APBA1: variants seen among roughly 807,000 people sequenced by gnomAD.
APBA1 encodes amyloid-beta A4 precursor protein-binding family A member 1.
Under a neutral mutation model 86.6 loss-of-function variants are expected in APBA1, and 55 were observed. The ratio of observed to expected loss-of-function variants is 0.64; its 90% CI spans 0.51 to 0.80. The LOEUF (loss-of-function observed/expected upper bound fraction) is 0.80. Ranked by LOEUF, APBA1 falls within the 30% of genes least tolerant of loss-of-function variation. The pLI is 0.00. For missense variants in APBA1, 1,090 were observed against 1,183.0 expected (o/e 0.92, Z 1.15); for synonymous variants, 511 against 493.9 (o/e 1.03, Z -0.46).
chr9:69,430,024 A>G lies in APBA1; in HGVS notation c.*1303T>C, dbSNP rs1834561200. The G allele has an allele frequency of 6.6e-6, 1 of 152,176 alleles. No individual in the cohort carries two copies. The highest frequency in any genetic ancestry group is 1.5e-5 in the Non-Finnish European group (1 of 68,044). 9.4% of individuals were successfully genotyped at this position (152,176 alleles called of 1,614,324 possible). A position where few individuals can be genotyped will look rare whatever the true frequency, so the allele number is the denominator to read the frequency against. ...AGGCACCTGATGAAAACACGGAACA[A>G]TTCCACACCAGCCAAAAATGCTCTC... On this transcript the variant is annotated 3_prime_UTR_variant, in exon 13 of 13. Transcript: ENST00000265381.
chr9:69,585,580 C>T (rs1443667362), intron 1 of APBA1, among the ~76,000 whole-genome samples: 1 of 152,142 alleles, frequency 6.6e-6, no homozygotes, highest in African/African-American at 2.4e-5. Flanking sequence ...TAGGCTCAGG[C>T]CACCCAGGTC....
intron 1 of APBA1, among the ~76,000 whole-genome samples, chr9:69,562,443 C>T (rs1447495765): frequency 1.3e-5 from 2 of 151,430 alleles, no homozygotes; most frequent in Non-Finnish European, 2.9e-5. Context: ...GGCATGATCT[C>T]GGCTCACTGC....
intron 1 of APBA1, among the ~76,000 whole-genome samples, chr9:69,618,543 G>GT (rs2053014381): frequency 6.6e-6 from 1 of 152,162 alleles, no homozygotes; most frequent in Non-Finnish European, 1.5e-5. Context: ...TGAAACGGAG[G>GT]TATGAAGTAA....
chr9:69,539,893 C>A (rs553156986), intron 1 of APBA1, among the ~76,000 whole-genome samples: 5 of 151,910 alleles, frequency 3.3e-5, no homozygotes, highest in Non-Finnish European at 7.4e-5. Context: ...CTAAGGGTGG[C>A]GGATCTACTG....
intron 1 of APBA1, among the ~76,000 whole-genome samples, chr9:69,648,533 T>C (rs1823433216): frequency 6.6e-6 from 1 of 152,202 alleles, no homozygotes; most frequent in African/African-American, 2.4e-5. Flanking sequence ...AACCTAGTTG[T>C]TCATTTCACC....
At chr9:69,669,104 C>T (rs1046601979) in intron 1 of APBA1, among the ~76,000 whole-genome samples, 2 of 152,170 alleles carry the variant, frequency 1.3e-5, no homozygotes, top group East Asian at 3.8e-4. Flanking sequence ...TTCCCTGTCC[C>T]CTATCCAAAG....
chr9:69,637,903 T>C (rs890393962), intron 1 of APBA1, among the ~76,000 whole-genome samples: 3 of 151,962 alleles, frequency 2.0e-5, no homozygotes, highest in African/African-American at 4.8e-5. Context: ...ACATATGAAA[T>C]AGAGAAAGGA....
intron 1 of APBA1, among the ~76,000 whole-genome samples, chr9:69,652,830 C>T (rs182711691): frequency 1.2e-3 from 176 of 152,082 alleles, no homozygotes; most frequent in African/African-American, 4.1e-3. Context: ...CCTGTCTCTA[C>T]TAAAAATACA....
chr9:69,652,881 T>C (rs1588413402), intron 1 of APBA1, among the ~76,000 whole-genome samples: 2 of 152,000 alleles, frequency 1.3e-5, no homozygotes, highest in East Asian at 1.9e-4. Flanking sequence ...CCTGTAGTCC[T>C]AGCTACTTGG....
chr9:69,644,416 G>T (rs1352620638), intron 1 of APBA1, among the ~76,000 whole-genome samples: 3 of 152,104 alleles, frequency 2.0e-5, no homozygotes, highest in African/African-American at 7.2e-5. Flanking sequence ...CTCTTTCAAT[G>T]TTGACACTAT....
intron 5 of APBA1, chr9:69,461,860 G>A: frequency 6.6e-6 from 1 of 152,192 alleles, no homozygotes; most frequent in Non-Finnish European, 1.5e-5. Context: ...ATTTTGAGGA[G>A]TAAATGAGAT....
chr9:69,580,519 G>A (rs899552605), intron 1 of APBA1, among the ~76,000 whole-genome samples: 2 of 152,026 alleles, frequency 1.3e-5, no homozygotes, highest in Non-Finnish European at 2.9e-5. Context: ...CTCCTGGCCC[G>A]TGTCAACAAA....
intron 1 of APBA1, among the ~76,000 whole-genome samples, chr9:69,601,869 C>CCAA (rs1232186799): frequency 6.6e-6 from 1 of 152,176 alleles, no homozygotes; most frequent in Admixed American, 6.5e-5. Flanking sequence ...CCCCTGTATT[C>CCAA]CAACCCCTTC....
In APBA1 at chr9:69,510,671, ATAC is replaced by A. The variant is rs1486572937; in HGVS notation, c.1200+5337_1200+5339del. Among the ~76,000 whole-genome samples, 5 of 143,426 alleles carry A rather than the reference ATAC, an allele frequency of 3.5e-5. 1 individual carries two copies. Among genetic ancestry groups the A allele is most frequent in the African/African-American group, 1.4e-4 (5 of 36,132 alleles). 94.1% of individuals were successfully genotyped at this position (143,426 alleles called of 152,430 possible). A position where few individuals can be genotyped will look rare whatever the true frequency, so the allele number is the denominator to read the frequency against. On this transcript the variant is annotated intron_variant, in intron 2 of 12. Transcript: ENST00000265381. ...GCATCACGCTACCTGACTTCAAACT[ATAC>A]TACAAGGCTACAGTCACCACAACAG...
chr9:69,513,358 C>T (rs1465844080), intron 2 of APBA1, among the ~76,000 whole-genome samples: 2 of 152,218 alleles, frequency 1.3e-5, no homozygotes, highest in African/African-American at 4.8e-5. Context: ...TTAAGCAGGT[C>T]ATTTCAAGGA....
chr9:69,645,912 C>G (rs1004705706), intron 1 of APBA1, among the ~76,000 whole-genome samples: 21 of 152,190 alleles, frequency 1.4e-4, no homozygotes, highest in African/African-American at 5.1e-4. Context: ...AATCACGTCT[C>G]TGCTTAGCCA....
chr9:69,526,930 A>G (rs1185422710), intron 1 of APBA1, among the ~76,000 whole-genome samples: 1 of 152,174 alleles, frequency 6.6e-6, no homozygotes, highest in African/African-American at 2.4e-5. Context: ...CTTTGTAGCA[A>G]CATGCATGCA....
intron 1 of APBA1, among the ~76,000 whole-genome samples, chr9:69,530,707 T>C (rs1052817560): frequency 2.0e-5 from 3 of 152,210 alleles, no homozygotes; most frequent in African/African-American, 7.2e-5. Flanking sequence ...ATGTACACCC[T>C]ACATCTAAAA....
chr9:69,460,213 C>T (rs937513530), intron 5 of APBA1, among the ~76,000 whole-genome samples: 3 of 152,172 alleles, frequency 2.0e-5, no homozygotes, highest in African/African-American at 7.2e-5. Context: ...CCAGGGCAAC[C>T]ACACTCCCAC....
Sources: allele counts gnomAD v4.1 joint callset (sites outside exome capture counted in the v4.1 genomes callset), GRCh38; gene constraint gnomAD v4.1.1; transcripts MANE v1.5; gene names NCBI Gene and HGNC (gene_info 2026-07-23, HGNC 2026-07-21).